Variants in RPS6KC1 observed in about 807,000 individuals in gnomAD.
The protein encoded by RPS6KC1 is ribosomal protein S6 kinase C1, also known as inactive ribosomal protein S6 kinase delta-1.
RPS6KC1 carries 54 observed loss-of-function variants against 103.8 expected under a neutral mutation model. That is an observed-to-expected ratio of 0.52 (90% CI 0.42 to 0.65). RPS6KC1 has a LOEUF of 0.65. RPS6KC1 is among the 30% of genes least tolerant of loss of function. The pLI is 0.00. For missense variants in RPS6KC1, 1,151 were observed against 1,253.8 expected (o/e 0.92, Z 1.24); for synonymous variants, 439 against 438.7 (o/e 1.00, Z -0.01).
At chr1:213,520,276 A>G in the RPS6KC1 span, among the ~76,000 whole-genome samples, 1 of 152,154 alleles carries the variant, frequency 6.6e-6, no homozygotes, top group African/African-American at 2.4e-5. Flanking sequence ...GAGCAAAGGG[A>G]CTTCTTACAT....
At chr1:213,327,055 T>A in the RPS6KC1 span, among the ~76,000 whole-genome samples, 19 of 150,784 alleles carry the variant, frequency 1.3e-4, no homozygotes, top group Middle Eastern at 3.4e-3. Context: ...TTTTTTTTTT[T>A]AATTTTCTTT....
the RPS6KC1 span, among the ~76,000 whole-genome samples, chr1:213,617,028 C>G: frequency 6.6e-6 from 1 of 152,300 alleles, no homozygotes; most frequent in South Asian, 2.1e-4. Flanking sequence ...TGTGAATCAC[C>G]TATCACATGT....
the RPS6KC1 span, among the ~76,000 whole-genome samples, chr1:213,659,525 A>G: frequency 1.3e-5 from 2 of 152,292 alleles, no homozygotes; most frequent in East Asian, 3.9e-4. Flanking sequence ...GGTCATCATC[A>G]CGTACAACTA....
At chr1:213,820,720 C>T in the RPS6KC1 span, 1 of 152,188 alleles carries the variant, frequency 6.6e-6, no homozygotes, top group Non-Finnish European at 1.5e-5. Flanking sequence ...CCCAGCATTT[C>T]CACACCTGAT....
At chr1:213,114,830 G>A (rs1425100209) in intron 4 of RPS6KC1, among the ~76,000 whole-genome samples, 1 of 152,082 alleles carries the variant, frequency 6.6e-6, no homozygotes. Flanking sequence ...TTTGTGTTTG[G>A]TTCTGTTTAT....
intron 14 of RPS6KC1, 100 bp downstream of exon 14, chr1:213,262,916 A>C: frequency 1.3e-6 from 1 of 764,546 alleles, no homozygotes; most frequent in Middle Eastern, 2.3e-4. Flanking sequence ...AGCAAGAAAA[A>C]CCCATTTAAC....
the RPS6KC1 span, among the ~76,000 whole-genome samples, chr1:213,733,832 G>A: frequency 4.6e-5 from 7 of 152,160 alleles, no homozygotes; most frequent in Non-Finnish European, 1.0e-4. Flanking sequence ...CTCGCTCTTG[G>A]CTTTCACTAA....
chr1:213,145,310 G>A (rs759663204), intron 6 of RPS6KC1, among the ~76,000 whole-genome samples: 6 of 152,038 alleles, frequency 3.9e-5, no homozygotes, highest in Non-Finnish European at 8.8e-5. Flanking sequence ...CTGGCAGAAC[G>A]TTCTCTCTGA....
At chr1:213,540,999 A>T in the RPS6KC1 span, among the ~76,000 whole-genome samples, 1 of 151,794 alleles carries the variant, frequency 6.6e-6, no homozygotes, top group African/African-American at 2.4e-5. Flanking sequence ...TCCAGGCTCC[A>T]CCTGTAATTC....
chr1:213,055,547 T>C (rs905573978), intron 1 of RPS6KC1, among the ~76,000 whole-genome samples: 2 of 152,232 alleles, frequency 1.3e-5, no homozygotes, highest in African/African-American at 4.8e-5. Flanking sequence ...CAAGTCTTTG[T>C]ATGGACATAT....
chr1:213,588,411 G>A, the RPS6KC1 span, among the ~76,000 whole-genome samples: 4 of 150,308 alleles, frequency 2.7e-5, no homozygotes, highest in African/African-American at 9.8e-5. Context: ...CCATTTTCCT[G>A]CCTCAGCCTC....
chr1:213,319,131 C>T, the RPS6KC1 span, among the ~76,000 whole-genome samples: 1 of 152,154 alleles, frequency 6.6e-6, no homozygotes, highest in East Asian at 1.9e-4. Context: ...CATGGTGAAA[C>T]CCCATCTCTA....
the RPS6KC1 span, among the ~76,000 whole-genome samples, chr1:213,312,448 G>A: frequency 6.6e-6 from 1 of 152,162 alleles, no homozygotes. Context: ...CACCTGGAAG[G>A]GGATTTTCAG....
At chr1:213,249,141 G>A (rs530589263) in intron 12 of RPS6KC1, among the ~76,000 whole-genome samples, 2 of 152,054 alleles carry the variant, frequency 1.3e-5, no homozygotes, top group South Asian at 2.1e-4. Flanking sequence ...TTTATTTTTC[G>A]TATCTCAGTT....
chr1:213,053,572 A>G (rs1190603221), intron 1 of RPS6KC1, among the ~76,000 whole-genome samples: 1 of 152,238 alleles, frequency 6.6e-6, no homozygotes, highest in East Asian at 1.9e-4. Flanking sequence ...GATATAACAC[A>G]GGAAGTTCCA....
chr1:213,152,228 G>A (rs1419846973), intron 6 of RPS6KC1, among the ~76,000 whole-genome samples: 1 of 145,390 alleles, frequency 6.9e-6, no homozygotes, highest in Non-Finnish European at 1.5e-5. Flanking sequence ...CCGGGCGGGG[G>A]GCTGATGCCC....
the RPS6KC1 span, among the ~76,000 whole-genome samples, chr1:213,400,073 G>A: frequency 6.6e-6 from 1 of 152,068 alleles, no homozygotes; most frequent in Non-Finnish European, 1.5e-5. Flanking sequence ...AAAAAGAGGT[G>A]GGCGGGGCTG....
chr1:213,378,549 T>C, the RPS6KC1 span, among the ~76,000 whole-genome samples: 1 of 152,130 alleles, frequency 6.6e-6, no homozygotes, highest in Non-Finnish European at 1.5e-5. Flanking sequence ...TTTGGAAATG[T>C]GTTGAAAAGG....
At chr1:213,691,161 C>G in the RPS6KC1 span, among the ~76,000 whole-genome samples, 5 of 152,046 alleles carry the variant, frequency 3.3e-5, no homozygotes, top group Non-Finnish European at 7.4e-5. Context: ...CTCCCTGGCT[C>G]AGGGCCACCC....
Sources: allele counts gnomAD v4.1 joint callset (sites outside exome capture counted in the v4.1 genomes callset), GRCh38; gene constraint gnomAD v4.1.1; transcripts MANE v1.5; gene names NCBI Gene and HGNC (gene_info 2026-07-23, HGNC 2026-07-21).